Variants in CCSER1 observed in about 807,000 individuals in gnomAD.
The protein encoded by CCSER1 is serine-rich coiled-coil domain-containing protein 1.
In CCSER1, 41 loss-of-function variants were observed where a neutral mutation model predicts 82.0. That is an observed-to-expected ratio of 0.50 (90% CI 0.39 to 0.65). CCSER1 has a LOEUF of 0.65. Among genes scored for constraint, CCSER1 ranks in the 30% least tolerant of loss-of-function variants. CCSER1 has a pLI of 0.00. For missense variants in CCSER1, 1,119 were observed against 1,064.2 expected, an observed-to-expected ratio of 1.05 and a Z score of -0.72; for synonymous variants, 414 against 383.9, an observed-to-expected ratio of 1.08 and a Z score of -0.92.
At chr4:90,873,909 A>G (rs1262737154) in intron 8 of CCSER1, among the ~76,000 whole-genome samples, 1 of 152,156 alleles carries the variant, frequency 6.6e-6, no homozygotes. Context: ...ATTTATCAAA[A>G]TGCATGATTT....
chr4:91,431,174 T>TA (rs1282571552), intron 10 of CCSER1, among the ~76,000 whole-genome samples: 8 of 152,182 alleles, frequency 5.3e-5, no homozygotes, highest in African/African-American at 1.9e-4. Flanking sequence ...AGGCGGAACT[T>TA]AGAGTGAGCG....
chr4:91,498,939 C>T (rs1759069027), intron 10 of CCSER1, among the ~76,000 whole-genome samples: 1 of 151,794 alleles, frequency 6.6e-6, no homozygotes, highest in Admixed American at 6.6e-5. Context: ...ACATATCCAG[C>T]ATAATTTACT....
At chr4:90,991,906 A>T (rs910134540) in intron 9 of CCSER1, among the ~76,000 whole-genome samples, 9 of 152,054 alleles carry the variant, frequency 5.9e-5, no homozygotes, top group African/African-American at 2.2e-4. Flanking sequence ...GGATGTTACT[A>T]CCATTGACAG....
At chr4:90,480,516 A>C (rs552771650) in intron 5 of CCSER1, among the ~76,000 whole-genome samples, 1 of 152,286 alleles carries the variant, frequency 6.6e-6, no homozygotes, top group African/African-American at 2.4e-5. Context: ...TTTAGGTCTA[A>C]CATTTAAGTC....
chr4:91,132,791 G>C (rs1728107987), intron 10 of CCSER1, among the ~76,000 whole-genome samples: 1 of 152,136 alleles, frequency 6.6e-6, no homozygotes, highest in Admixed American at 6.6e-5. Context: ...CAGTTTAGAA[G>C]AAACAATTTC....
At chr4:90,767,487 C>T (rs1043719643) in intron 7 of CCSER1, among the ~76,000 whole-genome samples, 12 of 152,052 alleles carry the variant, frequency 7.9e-5, no homozygotes, top group Non-Finnish European at 1.5e-4. Flanking sequence ...CTGAACTAAA[C>T]GAGGTAATTG....
intron 10 of CCSER1, among the ~76,000 whole-genome samples, chr4:91,142,740 CT>C (rs1729158207): frequency 6.6e-6 from 1 of 152,068 alleles, no homozygotes; most frequent in Non-Finnish European, 1.5e-5. Flanking sequence ...ATCGAGAGTC[CT>C]TTCCTTATAG....
chr4:91,386,682 C>T (rs776010272), intron 10 of CCSER1, among the ~76,000 whole-genome samples: 1 of 152,004 alleles, frequency 6.6e-6, no homozygotes, highest in African/African-American at 2.4e-5. Flanking sequence ...AGCTGGACGG[C>T]ACTTTATCCA....
At chr4:91,116,543 G>A (rs1193831206) in intron 10 of CCSER1, among the ~76,000 whole-genome samples, 2 of 152,094 alleles carry the variant, frequency 1.3e-5, no homozygotes, top group African/African-American at 4.8e-5. Context: ...AGACAGTTGT[G>A]GTATCTACTT....
intron 9 of CCSER1, among the ~76,000 whole-genome samples, chr4:91,066,460 G>C (rs1050715290): frequency 6.6e-6 from 1 of 152,140 alleles, no homozygotes; most frequent in African/African-American, 2.4e-5. Context: ...ATTTGAAATG[G>C]AAGGTGACTC....
intron 1 of CCSER1, among the ~76,000 whole-genome samples, chr4:90,279,117 ACT>A (rs1284523011): frequency 1.3e-5 from 2 of 151,844 alleles, no homozygotes; most frequent in Admixed American, 1.3e-4. Flanking sequence ...TCAGTACTTC[ACT>A]CTACGTAGCT....
At chr4:91,304,804 C>T (rs1293126159) in intron 10 of CCSER1, among the ~76,000 whole-genome samples, 5 of 151,926 alleles carry the variant, frequency 3.3e-5, no homozygotes, top group African/African-American at 4.8e-5. Context: ...TATAAAACTA[C>T]GTATGCCTTC....
chr4:90,483,538 T>C (rs1413084282), intron 5 of CCSER1, among the ~76,000 whole-genome samples: 1 of 152,224 alleles, frequency 6.6e-6, no homozygotes, highest in Non-Finnish European at 1.5e-5. Flanking sequence ...GTTTAGTGCT[T>C]CCTTCAGGAG....
At chr4:90,414,812 G>A (rs1265651242) in intron 4 of CCSER1, among the ~76,000 whole-genome samples, 3 of 152,092 alleles carry the variant, frequency 2.0e-5, no homozygotes, top group African/African-American at 7.2e-5. Flanking sequence ...TCACAGTGAA[G>A]TATATGTTAT....
intron 10 of CCSER1, among the ~76,000 whole-genome samples, chr4:91,372,722 TATA>T (rs1451396447): frequency 6.6e-6 from 1 of 152,148 alleles, no homozygotes; most frequent in Non-Finnish European, 1.5e-5. Context: ...ACTGATGGAA[TATA>T]ATAATACAAG....
intron 6 of CCSER1, among the ~76,000 whole-genome samples, chr4:90,653,461 G>A (rs1445753123): frequency 2.6e-5 from 4 of 151,908 alleles, no homozygotes; most frequent in East Asian, 1.9e-4. Context: ...TTAATGAAAC[G>A]TAAGTATTGA....
intron 5 of CCSER1, among the ~76,000 whole-genome samples, chr4:90,592,270 A>C (rs1782801111): frequency 6.6e-6 from 1 of 152,182 alleles, no homozygotes; most frequent in African/African-American, 2.4e-5. Context: ...ATGTCCCCCT[A>C]ATTGCAGGCA....
At chr4:90,371,494 C>T (rs1053599335) in intron 3 of CCSER1, among the ~76,000 whole-genome samples, 4 of 151,056 alleles carry the variant, frequency 2.6e-5, no homozygotes, top group Non-Finnish European at 5.9e-5. Context: ...GGAGTTTATA[C>T]ATAATGAAAA....
intron 9 of CCSER1, among the ~76,000 whole-genome samples, chr4:90,933,006 A>AAGAAAG (rs1561385530): frequency 2.5e-5 from 2 of 80,158 alleles, no homozygotes; most frequent in Non-Finnish European, 4.4e-5. Flanking sequence ...GAAAGAAAGA[A>AAGAAAG]AGAAAGAAAG....
Sources: allele counts gnomAD v4.1 joint callset (sites outside exome capture counted in the v4.1 genomes callset), GRCh38; gene constraint gnomAD v4.1.1; transcripts MANE v1.5; gene names NCBI Gene and HGNC (gene_info 2026-07-23, HGNC 2026-07-21).